CFAP53: variants seen among roughly 807,000 people sequenced by gnomAD.
CFAP53 encodes cilia and flagella associated protein 53.
Under a neutral mutation model 59.7 loss-of-function variants are expected in CFAP53, and 62 were observed. That is an observed-to-expected ratio of 1.04 (90% CI 0.85 to 1.28). The LOEUF (loss-of-function observed/expected upper bound fraction) is 1.28. Ranked by LOEUF, CFAP53 falls within the 50% of genes most tolerant of loss-of-function variation. CFAP53 has a pLI of 0.00. For synonymous variants in CFAP53, 218 were observed against 205.7 expected, an observed-to-expected ratio of 1.06 and a Z score of -0.51; for missense variants, 629 against 615.6, an observed-to-expected ratio of 1.02 and a Z score of -0.23.
intron 7 of CFAP53, among the ~76,000 whole-genome samples, chr18:50,230,435 G>C (rs1321531210): frequency 6.6e-6 from 1 of 152,218 alleles, no homozygotes; most frequent in African/African-American, 2.4e-5. Context: ...ACAGGGAGGT[G>C]CTGAAAGGAT....
At chr18:50,260,003 T>C (rs1475805587) in intron 3 of CFAP53, among the ~76,000 whole-genome samples, 1 of 152,224 alleles carries the variant, frequency 6.6e-6, no homozygotes, top group African/African-American at 2.4e-5. Context: ...ATTTTTGCTT[T>C]AGAGGTAAGG....
At chr18:50,237,351 T>TATATAC (rs67836600) in intron 7 of CFAP53, among the ~76,000 whole-genome samples, 1,843 of 16,170 alleles carry the variant, frequency 0.11, 522 homozygotes, top group Middle Eastern at 0.17. Flanking sequence ...TATATATATA[T>TATATAC]ACGCACACAT....
chr18:50,265,526 C>CA (rs1228614635), intron 1 of CFAP53, among the ~76,000 whole-genome samples: 1 of 152,174 alleles, frequency 6.6e-6, no homozygotes, highest in Admixed American at 6.5e-5. Flanking sequence ...AGGGAGGGCT[C>CA]AGGCTTCAAT....
At chr18:50,262,535 G>C (rs2033904013) in intron 1 of CFAP53, among the ~76,000 whole-genome samples, 5 of 152,184 alleles carry the variant, frequency 3.3e-5, no homozygotes, top group Admixed American at 3.3e-4. Flanking sequence ...GAGACATTAA[G>C]TGATTTGCTG....
Position 50,261,984 on chromosome 18 carries a change from C to A in CFAP53, c.299+6G>T. ...ATGGTTTATGTCCCAGGTTTGTGAG[C>A]CTTACTTATTTCGTCTTTCTTCAAT... On this transcript the variant is annotated splice_donor_region_variant and intron_variant, in intron 2 of 7. Coordinates refer to ENST00000398545, the MANE Select transcript of CFAP53 (RefSeq NM_145020.5). 6.3e-7 allele frequency: 1 copy of A among 1,597,186 alleles called. No individual in the cohort carries two copies. The highest frequency in any genetic ancestry group is 1.3e-5 in the African/African-American group (1 of 74,762).
chr18:50,261,328 T>C, intron 2 of CFAP53, 91 bp from the exon 3 acceptor site: 1 of 1,314,626 alleles, frequency 7.6e-7, no homozygotes, highest in South Asian at 1.7e-5. Flanking sequence ...TAGGTCTAAT[T>C]TGTAAGAAAA....
rs1042036715 is a variant in CFAP53 at position 50,251,724 on chromosome 18, C to T, written c.534G>A (p.Glu178=). The T allele has an allele frequency of 3.1e-6, 5 of 1,614,106 alleles. No individual in the cohort carries two copies. Among genetic ancestry groups the T allele is most frequent in the Non-Finnish European group, 4.2e-6 (5 of 1,180,038 alleles). Residue 178 remains glutamate, a synonymous_variant, in exon 4 of 8, where the codon GAG becomes GAA. Coordinates refer to ENST00000398545, the MANE Select transcript of CFAP53 (RefSeq NM_145020.5). The part of the protein sequence containing the change: ...LLSIHQKKVC[E]ERKAQIAFNE... ...TAAATGCAATCTGTGCTTTCCGCTC[C>T]TCACACACCTTCTTCTGATGGATAG...
At chr18:50,259,128 A>G (rs1217626559) in intron 3 of CFAP53, among the ~76,000 whole-genome samples, 2 of 152,234 alleles carry the variant, frequency 1.3e-5, no homozygotes, top group Non-Finnish European at 2.9e-5. Context: ...GGAAATCAGT[A>G]TATTGAAGAG....
At chr18:50,258,447 T>A (rs1026188301) in intron 3 of CFAP53, among the ~76,000 whole-genome samples, 5 of 152,062 alleles carry the variant, frequency 3.3e-5, no homozygotes, top group Non-Finnish European at 7.4e-5. Flanking sequence ...TATGCAAAAA[T>A]CAAATCAAAA....
In CFAP53 at chr18:50,264,873, T is replaced by C. The variant is rs534380233; in HGVS notation, c.69+1463A>G. Among the ~76,000 whole-genome samples, 44 of 152,236 alleles carry C rather than the reference T, an allele frequency of 2.9e-4. No individual in the cohort carries two copies. In the East Asian group the frequency reaches 5.8e-3, roughly 20 times the overall value. ...TACAGAACCCAAAGTAGATCTTCTG[T>C]CCTTCATGAAGTGTGTTTATAATTA... On this transcript the variant is annotated intron_variant, in intron 1 of 7. Transcript: ENST00000398545.
chr18:50,231,076 A>G (rs958862524), intron 7 of CFAP53, among the ~76,000 whole-genome samples: 1 of 152,138 alleles, frequency 6.6e-6, no homozygotes, highest in African/African-American at 2.4e-5. Context: ...AAAACTCACA[A>G]ACTTCTGCTT....
chr18:50,254,569 A>T (rs1419214621), intron 3 of CFAP53, among the ~76,000 whole-genome samples: 1 of 152,154 alleles, frequency 6.6e-6, no homozygotes, highest in African/African-American at 2.4e-5. Flanking sequence ...TCTAGGAAAT[A>T]GTTTAGTGTT....
intron 1 of CFAP53, among the ~76,000 whole-genome samples, chr18:50,263,521 A>C (rs1332268791): frequency 1.3e-5 from 2 of 152,240 alleles, no homozygotes; most frequent in Non-Finnish European, 1.5e-5. Flanking sequence ...GTAAGGAGAC[A>C]GAAGATGATG....
chr18:50,259,139 A>T (rs1462458062), intron 3 of CFAP53, among the ~76,000 whole-genome samples: 1 of 152,236 alleles, frequency 6.6e-6, no homozygotes, highest in African/African-American at 2.4e-5. Context: ...TATTGAAGAG[A>T]TAGCTAAACT....
chr18:50,251,086 C>A (rs574157151), intron 4 of CFAP53, 110 bp from the exon 5 acceptor site: 241 of 907,726 alleles, frequency 2.7e-4, no homozygotes, highest in Middle Eastern at 1.7e-3. Flanking sequence ...ACACACACAC[C>A]TGGATTTAGA....
At chr18:50,248,129 T>TC in intron 5 of CFAP53, among the ~76,000 whole-genome samples, 1 of 135,034 alleles carries the variant, frequency 7.4e-6, no homozygotes, top group Admixed American at 7.7e-5. Flanking sequence ...CAACAAAAAT[T>TC]AAAAAAAAAA....
intron 3 of CFAP53, among the ~76,000 whole-genome samples, chr18:50,255,342 T>G (rs1160051453): frequency 6.6e-6 from 1 of 152,150 alleles, no homozygotes; most frequent in African/African-American, 2.4e-5. Flanking sequence ...ATTTTTGCAG[T>G]GATGGAATAG....
At position 50,261,384 on chromosome 18, in the gene CFAP53, TTTTTTG is replaced by T. The variant is rs553896243; in HGVS notation, c.300-153_300-148del. 5.9e-3 allele frequency: 5,859 copies of T among 991,146 alleles called. 32 individuals are homozygous for T. The highest frequency in any genetic ancestry group is 6.7e-3 in the Non-Finnish European group (4,879 of 729,948). The allele number at this position is 991,146 out of a possible 1,614,324, so 61.4% of individuals were successfully genotyped here. On this transcript the variant is annotated intron_variant, in intron 2 of 7. Transcript: ENST00000398545. ...CACAGAATAAGACTGGTTGGTTTGT[TTTTTTG>T]TTTTTGTTTTTGTTTTTGTTTTGAG...
At position 50,261,019 on chromosome 18, in the gene CFAP53, T is replaced by C. The variant is rs1223445732; in HGVS notation, c.473+45A>G. Reference sequence around the variant, plus strand: ...ATTAGCATTCTTAAATCTATTTTAATGTACCAACTTTGGATTCTGTTTGTG... The same window carrying C: ...ATTAGCATTCTTAAATCTATTTTAACGTACCAACTTTGGATTCTGTTTGTG... On this transcript the variant is annotated intron_variant, in intron 3 of 7. Coordinates refer to ENST00000398545, the MANE Select transcript of CFAP53 (RefSeq NM_145020.5). 6.4e-6 allele frequency: 10 copies of C among 1,559,460 alleles called. No homozygotes were observed. In the African/African-American group the frequency reaches 1.1e-4, roughly 17 times the overall value.
Sources: gnomAD v4.1 joint callset for allele counts (sites outside exome capture counted in the v4.1 genomes callset) on GRCh38, gnomAD v4.1.1 for gene constraint, MANE v1.5 for transcripts, NCBI Gene and HGNC (gene_info 2026-07-23, HGNC 2026-07-21) for gene names.